HYAL4: variants seen among roughly 807,000 people sequenced by gnomAD.
HYAL4 encodes the protein hyaluronidase 4, also known as hyaluronidase-4.
HYAL4 carries 37 observed loss-of-function variants against 35.2 expected under a neutral mutation model. That is an observed-to-expected ratio of 1.05 (90% confidence interval 0.81 to 1.38). HYAL4 has a LOEUF of 1.38. Among genes scored for constraint, HYAL4 ranks in the 40% most tolerant of loss-of-function variants. The pLI, the probability that HYAL4 is intolerant of heterozygous loss-of-function variation, is 0.00. For missense variants in HYAL4, 572 were observed against 572.4 expected, an observed-to-expected ratio of 1.00 and a Z score of 0.01; for synonymous variants, 198 against 203.2, an observed-to-expected ratio of 0.97 and a Z score of 0.22.
chr7:123,799,173 T>A, the HYAL4 span, among the ~76,000 whole-genome samples: 13 of 152,136 alleles, frequency 8.5e-5, no homozygotes, highest in African/African-American at 3.1e-4. Flanking sequence ...GATAAAGTAA[T>A]GTCATTTCTC....
the HYAL4 span, among the ~76,000 whole-genome samples, chr7:123,796,361 G>A: frequency 6.6e-6 from 1 of 152,162 alleles, no homozygotes; most frequent in Admixed American, 6.5e-5. Context: ...TGTTTTTAAA[G>A]AAACATTTAC....
Position 123,877,215 on chromosome 7 carries a change from A to G in HYAL4, c.*60A>G. ...AGCCTAGTCATTTAAAGAAGGATGT[A>G]ACTTATAACATTTTTTTTCTCTTAT... On this transcript the variant is annotated 3_prime_UTR_variant, in exon 5 of 5. Coordinates refer to ENST00000223026, the MANE Select transcript of HYAL4 (RefSeq NM_012269.3). The G allele has an allele frequency of 6.8e-7, 1 of 1,480,980 alleles. No individual in the cohort carries two copies. The highest frequency in any genetic ancestry group is 9.1e-7 in the Non-Finnish European group (1 of 1,099,164). The allele number at this position is 1,480,980 out of a possible 1,614,324, so 91.7% of individuals were successfully genotyped here.
the HYAL4 span, among the ~76,000 whole-genome samples, chr7:123,797,488 G>A: frequency 3.9e-5 from 6 of 152,328 alleles, no homozygotes; most frequent in African/African-American, 1.4e-4. Flanking sequence ...ATACTTGAAA[G>A]CTGAAAAGCC....
the HYAL4 span, among the ~76,000 whole-genome samples, chr7:123,790,973 C>G: frequency 6.6e-6 from 1 of 152,060 alleles, no homozygotes; most frequent in Non-Finnish European, 1.5e-5. Flanking sequence ...CCATGTTAGC[C>G]AGGCTGGTCT....
chr7:123,797,901 CTT>C, the HYAL4 span, among the ~76,000 whole-genome samples: 1 of 152,026 alleles, frequency 6.6e-6, no homozygotes, highest in African/African-American at 2.4e-5. Context: ...TCTCAAAAAG[CTT>C]ATATTTGAAA....
At chr7:123,822,478 G>A in the HYAL4 span, among the ~76,000 whole-genome samples, 11 of 151,984 alleles carry the variant, frequency 7.2e-5, no homozygotes, top group Middle Eastern at 3.2e-3. Context: ...ACTAATTTTT[G>A]TATGTTGATT....
the HYAL4 span, among the ~76,000 whole-genome samples, chr7:123,789,689 G>A: frequency 6.6e-6 from 1 of 152,086 alleles, no homozygotes; most frequent in Non-Finnish European, 1.5e-5. Context: ...TCTTGTCAAA[G>A]TAAGCTGTTA....
At chr7:123,875,929 T>G (rs1807010032) in intron 4 of HYAL4, 1 of 426,228 alleles carries the variant, frequency 2.3e-6, no homozygotes, top group Admixed American at 2.8e-5. Flanking sequence ...CAGTCTCAAT[T>G]TGTTGCTACT....
the HYAL4 span, among the ~76,000 whole-genome samples, chr7:123,808,345 G>A: frequency 6.6e-6 from 1 of 151,656 alleles, no homozygotes; most frequent in Non-Finnish European, 1.5e-5. Context: ...TGGAAAGAAT[G>A]AAATTCCCGG....
chr7:123,822,881 CTT>C, the HYAL4 span, among the ~76,000 whole-genome samples: 6 of 152,236 alleles, frequency 3.9e-5, no homozygotes, highest in Non-Finnish European at 4.4e-5. Context: ...AGGAGGATGA[CTT>C]GAACCCAGGA....
At chr7:123,822,347 G>A in the HYAL4 span, among the ~76,000 whole-genome samples, 3 of 151,928 alleles carry the variant, frequency 2.0e-5, no homozygotes, top group East Asian at 5.8e-4. Context: ...TGATGTACAA[G>A]TCTTTCACTT....
the HYAL4 span, among the ~76,000 whole-genome samples, chr7:123,779,478 C>G: frequency 6.6e-6 from 1 of 150,566 alleles, no homozygotes; most frequent in Non-Finnish European, 1.5e-5. Flanking sequence ...GTAATATTTA[C>G]AGGTGAAATA....
At chr7:123,777,830 T>A in the HYAL4 span, among the ~76,000 whole-genome samples, 3 of 152,180 alleles carry the variant, frequency 2.0e-5, no homozygotes, top group Admixed American at 6.5e-5. Context: ...ATTATTTTAA[T>A]TCCATCATGA....
the HYAL4 span, among the ~76,000 whole-genome samples, chr7:123,799,386 T>C: frequency 6.6e-6 from 1 of 151,564 alleles, no homozygotes; most frequent in South Asian, 2.1e-4. Context: ...TTTGAAAATA[T>C]AATACTATGG....
the HYAL4 span, among the ~76,000 whole-genome samples, chr7:123,783,352 C>T: frequency 1.1e-3 from 169 of 152,198 alleles, no homozygotes; most frequent in African/African-American, 3.9e-3. Flanking sequence ...TGCATTTCTA[C>T]TTCTCATCAT....
At chr7:123,767,812 G>A in the HYAL4 span, among the ~76,000 whole-genome samples, 2 of 152,246 alleles carry the variant, frequency 1.3e-5, no homozygotes, top group South Asian at 4.1e-4. Flanking sequence ...AGAGAGGTTT[G>A]TTTACCAGTG....
At chr7:123,859,278 G>C (rs1305188461) in intron 2 of HYAL4, among the ~76,000 whole-genome samples, 1 of 152,076 alleles carries the variant, frequency 6.6e-6, no homozygotes, top group Admixed American at 6.5e-5. Context: ...GTTGTAACTA[G>C]AGTTTTGCCT....
the HYAL4 span, among the ~76,000 whole-genome samples, chr7:123,806,057 T>C: frequency 1.3e-5 from 2 of 152,048 alleles, no homozygotes; most frequent in Non-Finnish European, 2.9e-5. Flanking sequence ...ATCTAGAGTA[T>C]CCAAAACAAT....
At chr7:123,792,458 A>G in the HYAL4 span, among the ~76,000 whole-genome samples, 1 of 152,156 alleles carries the variant, frequency 6.6e-6, no homozygotes, top group African/African-American at 2.4e-5. Flanking sequence ...TTAATTGTGA[A>G]GGTTAAATGC....
Sources: allele counts gnomAD v4.1 joint callset (sites outside exome capture counted in the v4.1 genomes callset), GRCh38; gene constraint gnomAD v4.1.1; transcripts MANE v1.5; gene names NCBI Gene and HGNC (gene_info 2026-07-23, HGNC 2026-07-21).